MAGI2: variants seen among roughly 807,000 people sequenced by gnomAD.
MAGI2 encodes the protein membrane-associated guanylate kinase, WW and PDZ domain-containing protein 2.
Under a neutral mutation model 133.3 loss-of-function variants are expected in MAGI2, and 35 were observed. The ratio of observed to expected loss-of-function variants is 0.26; its 90% confidence interval spans 0.20 to 0.35. The LOEUF (loss-of-function observed/expected upper bound fraction) is 0.35. Among genes scored for constraint, MAGI2 ranks in the 10% least tolerant of loss-of-function variants. The probability of loss-of-function intolerance (pLI) is 1.00; values close to 1 mark genes in which losing one functional copy is unlikely to be tolerated. For synonymous variants in MAGI2, 729 were observed against 710.6 expected (o/e 1.03, Z -0.41); for missense variants, 1,636 against 1,863.4 (o/e 0.88, Z 2.25).
intron 11 of MAGI2, among the ~76,000 whole-genome samples, chr7:78,200,076 A>G (rs1177628765): frequency 6.6e-6 from 1 of 152,226 alleles, no homozygotes; most frequent in African/African-American, 2.4e-5. Flanking sequence ...TCAAAATCAC[A>G]TGCATCCTTA....
At chr7:78,965,503 A>G (rs1232562135) in intron 2 of MAGI2, among the ~76,000 whole-genome samples, 1 of 150,350 alleles carries the variant, frequency 6.7e-6, no homozygotes, top group Non-Finnish European at 1.5e-5. Context: ...GGGTATAATC[A>G]TTATAAATAT....
chr7:78,527,932 T>G (rs1477710563), intron 3 of MAGI2, among the ~76,000 whole-genome samples: 1 of 152,192 alleles, frequency 6.6e-6, no homozygotes, highest in African/African-American at 2.4e-5. Flanking sequence ...ATACTTGTCT[T>G]CAAGATACCA....
chr7:79,176,929 A>G lies in MAGI2; in HGVS notation c.302-169723T>C, dbSNP rs1585125003. On this transcript the variant is annotated intron_variant, in intron 1 of 21. Coordinates refer to ENST00000354212, the MANE Select transcript of MAGI2 (RefSeq NM_012301.4). ...TCACTCTGTTCCACATATGGCAACA[A>G]ACAATCGCATAAGTTTAGCAAACTG... 3 of 152,152 alleles carry G rather than the reference A, an allele frequency of 2.0e-5. No individual in the cohort carries two copies. In the South Asian group the frequency reaches 6.2e-4, roughly 32 times the overall value. 9.4% of individuals were successfully genotyped at this position (152,152 alleles called of 1,614,324 possible). A position where few individuals can be genotyped will look rare whatever the true frequency, so the allele number is the denominator to read the frequency against.
At chr7:78,537,636 A>G (rs778785425) in intron 3 of MAGI2, among the ~76,000 whole-genome samples, 1 of 152,030 alleles carries the variant, frequency 6.6e-6, no homozygotes, top group East Asian at 1.9e-4. Flanking sequence ...GGCCATTTGT[A>G]TATCTTTTTG....
chr7:78,161,667 T>TAAAAAAAAAAAAAAAAA lies in MAGI2; in HGVS notation c.2597-1411_2597-1395dup, dbSNP rs71515391. On this transcript the variant is annotated intron_variant, in intron 15 of 21. Coordinates refer to ENST00000354212, the MANE Select transcript of MAGI2 (RefSeq NM_012301.4). ...AGAGACGTTTTGTTACATCGATACC[T>TAAAAAAAAAAAAAAAAA]AAAAAAAAAAAAAAAAAAAAGAAAA... Among the ~76,000 whole-genome samples the TAAAAAAAAAAAAAAAAA allele has an allele frequency of 1.2e-3, 82 of 68,890 alleles. 1 individual carries two copies. Among genetic ancestry groups the TAAAAAAAAAAAAAAAAA allele is most frequent in the East Asian group, 2.7e-3 (5 of 1,866 alleles). 45.2% of individuals were successfully genotyped at this position (68,890 alleles called of 152,430 possible). A position where few individuals can be genotyped will look rare whatever the true frequency, so the allele number is the denominator to read the frequency against.
chr7:78,023,260 T>G (rs956918087), intron 21 of MAGI2, among the ~76,000 whole-genome samples: 1 of 152,226 alleles, frequency 6.6e-6, no homozygotes, highest in Non-Finnish European at 1.5e-5. Flanking sequence ...AAATCTAGTT[T>G]TTATGAAATC....
intron 2 of MAGI2, among the ~76,000 whole-genome samples, chr7:78,937,286 A>C (rs1365840527): frequency 6.6e-6 from 1 of 152,172 alleles, no homozygotes; most frequent in African/African-American, 2.4e-5. Flanking sequence ...CTGTTAGTCC[A>C]TACTGACACA....
At chr7:79,452,876 T>C in intron 1 of MAGI2, 144 bp downstream of exon 1, 12 of 806,258 alleles carry the variant, frequency 1.5e-5, no homozygotes, top group Admixed American at 6.3e-5. Context: ...CCGGCGAAAC[T>C]CACTTGCACT....
intron 9 of MAGI2, among the ~76,000 whole-genome samples, chr7:78,335,025 A>G (rs894688099): frequency 2.0e-5 from 3 of 152,222 alleles, no homozygotes; most frequent in African/African-American, 7.2e-5. Flanking sequence ...GAACACAGCC[A>G]TACTCTCTTG....
chr7:78,190,253 T>G (rs554248241), intron 12 of MAGI2, among the ~76,000 whole-genome samples: 2 of 152,226 alleles, frequency 1.3e-5, no homozygotes, highest in African/African-American at 2.4e-5. Context: ...GTTTGGCTAC[T>G]AACACAAGTC....
chr7:78,668,600 C>T (rs1563326525), intron 2 of MAGI2, among the ~76,000 whole-genome samples: 1 of 151,750 alleles, frequency 6.6e-6, no homozygotes, highest in African/African-American at 2.4e-5. Flanking sequence ...CCAGTTTCAG[C>T]TTTCTACATA....
At chr7:78,842,280 T>C (rs530904241) in intron 2 of MAGI2, among the ~76,000 whole-genome samples, 1 of 152,108 alleles carries the variant, frequency 6.6e-6, no homozygotes, top group African/African-American at 2.4e-5. Context: ...AAGGAAACTA[T>C]AGCCTGGGGC....
intron 9 of MAGI2, among the ~76,000 whole-genome samples, chr7:78,335,307 C>CT (rs1165685034): frequency 1.3e-5 from 2 of 152,148 alleles, no homozygotes; most frequent in African/African-American, 4.8e-5. Flanking sequence ...GGCCATTTGC[C>CT]TGCATGCAGA....
At chr7:79,446,097 A>G (rs1483859460) in intron 1 of MAGI2, among the ~76,000 whole-genome samples, 1 of 152,228 alleles carries the variant, frequency 6.6e-6, no homozygotes, top group Non-Finnish European at 1.5e-5. Flanking sequence ...GTTCTCACTC[A>G]TAGGTGGGAC....
intron 2 of MAGI2, among the ~76,000 whole-genome samples, chr7:78,749,375 T>G (rs1823238780): frequency 6.6e-6 from 1 of 152,150 alleles, no homozygotes; most frequent in Non-Finnish European, 1.5e-5. Flanking sequence ...GGAGCTTATG[T>G]TTTCGGGAGG....
chr7:78,862,102 A>G (rs913575292), intron 2 of MAGI2, among the ~76,000 whole-genome samples: 10 of 152,210 alleles, frequency 6.6e-5, no homozygotes, highest in African/African-American at 2.4e-4. Flanking sequence ...AAAGCAATCT[A>G]TGTATTTGCA....
intron 1 of MAGI2, among the ~76,000 whole-genome samples, chr7:79,342,333 T>A (rs903209210): frequency 6.6e-6 from 1 of 152,246 alleles, no homozygotes; most frequent in African/African-American, 2.4e-5. Flanking sequence ...ATGCTCTCAG[T>A]ACTGTTAGAG....
chr7:78,342,946 C>A (rs1790545221), intron 9 of MAGI2, among the ~76,000 whole-genome samples: 1 of 152,140 alleles, frequency 6.6e-6, no homozygotes, highest in Non-Finnish European at 1.5e-5. Context: ...TACCCCAGAA[C>A]TTAAAGCATA....
Position 79,263,874 on chromosome 7 carries a change from T to C in MAGI2, c.301+189146A>G, listed in dbSNP as rs541177985. On this transcript the variant is annotated intron_variant, in intron 1 of 21. Transcript: ENST00000354212. ...TTTTGTGTTTAGAGATTTAATCATT[T>C]CGTTTAGAAAAAAATACTGAAAAAG... is the stretch of plus-strand genomic sequence containing the variant. Among the ~76,000 whole-genome samples, 9 of 152,304 alleles carry C rather than the reference T, an allele frequency of 5.9e-5. No homozygotes were observed. The South Asian group carries it at 8.3e-4, about 14-fold the overall frequency.
Sources: allele counts gnomAD v4.1 joint callset (sites outside exome capture counted in the v4.1 genomes callset), GRCh38; gene constraint gnomAD v4.1.1; transcripts MANE v1.5; gene names NCBI Gene and HGNC (gene_info 2026-07-23, HGNC 2026-07-21).